Variants in RAB38 observed in about 807,000 individuals in gnomAD.
RAB38 encodes the protein RAB38, member RAS oncogene family, also known as ras-related protein Rab-38.
In RAB38, 15 loss-of-function variants were observed where a neutral mutation model predicts 18.4. The observed-to-expected ratio is 0.82, with a 90% confidence interval of 0.55 to 1.26. The LOEUF is 1.26. Ranked by LOEUF, RAB38 falls within the 50% of genes most tolerant of loss-of-function variation. RAB38 has a pLI of 0.00. For missense variants in RAB38, 294 were observed against 267.4 expected (o/e 1.10, Z -0.69); for synonymous variants, 101 against 104.4 (o/e 0.97, Z 0.20).
At chr11:88,136,577 A>C (rs1942837631) in intron 2 of RAB38, among the ~76,000 whole-genome samples, 1 of 152,220 alleles carries the variant, frequency 6.6e-6, no homozygotes, top group Non-Finnish European at 1.5e-5. Flanking sequence ...GCCTTTGTCT[A>C]CTGGCTTTTT....
At chr11:87,928,089 CAG>C in the RAB38 span, among the ~76,000 whole-genome samples, 3,346 of 151,456 alleles carry the variant, frequency 0.022, 126 homozygotes, top group African/African-American at 0.078. Context: ...AATAAGAAAA[CAG>C]AAAAGACAAG....
chr11:87,930,004 G>A, the RAB38 span, among the ~76,000 whole-genome samples: 1 of 152,104 alleles, frequency 6.6e-6, no homozygotes, highest in Non-Finnish European at 1.5e-5. Context: ...TTGCTATTGT[G>A]AATAGTGCCG....
chr11:88,167,411 A>T (rs550455721), intron 1 of RAB38: 1 of 152,270 alleles, frequency 6.6e-6, no homozygotes, highest in African/African-American at 2.4e-5. Context: ...GGCTCCAGTG[A>T]TGGGTCCCAG....
chr11:88,128,524 GA>G (rs1240470635), intron 2 of RAB38, among the ~76,000 whole-genome samples: 7 of 152,198 alleles, frequency 4.6e-5, no homozygotes, highest in Non-Finnish European at 4.4e-5. Flanking sequence ...AGGAGTAACA[GA>G]ATTGCTGAAA....
intron 2 of RAB38, among the ~76,000 whole-genome samples, chr11:88,143,264 T>C (rs1429193626): frequency 6.6e-6 from 1 of 152,254 alleles, no homozygotes; most frequent in Non-Finnish European, 1.5e-5. Flanking sequence ...AAAATGTATG[T>C]AAAGCCACTA....
At chr11:87,896,726 G>C in the RAB38 span, among the ~76,000 whole-genome samples, 6 of 151,728 alleles carry the variant, frequency 4.0e-5, no homozygotes, top group East Asian at 1.2e-3. Context: ...TGTTGTGCAA[G>C]TTACTAATCG....
At chr11:87,929,819 A>G in the RAB38 span, among the ~76,000 whole-genome samples, 23 of 143,440 alleles carry the variant, frequency 1.6e-4, no homozygotes, top group Non-Finnish European at 2.4e-4. Flanking sequence ...GCGGTGTTTG[A>G]TTTTTTGTCC....
At chr11:88,007,960 TGAGTA>T in the RAB38 span, among the ~76,000 whole-genome samples, 4 of 152,028 alleles carry the variant, frequency 2.6e-5, no homozygotes, top group African/African-American at 9.7e-5. Flanking sequence ...AAAAATACGT[TGAGTA>T]AAGAAGTCAG....
chr11:88,045,871 C>T, the RAB38 span, among the ~76,000 whole-genome samples: 6,196 of 152,228 alleles, frequency 0.041, 161 homozygotes, highest in African/African-American at 0.075. Context: ...AACTCCCCAA[C>T]TCTGGTGTCA....
the RAB38 span, among the ~76,000 whole-genome samples, chr11:87,817,856 G>A: frequency 6.6e-6 from 1 of 152,036 alleles, no homozygotes; most frequent in Admixed American, 6.6e-5. Context: ...ATGCAGTCGA[G>A]GCAAAAAGAT....
the RAB38 span, among the ~76,000 whole-genome samples, chr11:87,827,519 A>G: frequency 1.3e-5 from 2 of 152,132 alleles, no homozygotes; most frequent in Non-Finnish European, 2.9e-5. Flanking sequence ...AAATGCAATC[A>G]TGGCTTTTCT....
chr11:87,962,819 TA>T, the RAB38 span, among the ~76,000 whole-genome samples: 8 of 152,082 alleles, frequency 5.3e-5, no homozygotes, highest in Non-Finnish European at 1.2e-4. Context: ...GTTTTCACCA[TA>T]AAAAAATAAG....
At chr11:87,914,850 G>A in the RAB38 span, among the ~76,000 whole-genome samples, 2 of 152,170 alleles carry the variant, frequency 1.3e-5, no homozygotes, top group Non-Finnish European at 2.9e-5. Context: ...GTGGCCCCAA[G>A]TGTGACCCAG....
intron 2 of RAB38, among the ~76,000 whole-genome samples, chr11:88,131,870 C>G (rs1640621909): frequency 6.6e-6 from 1 of 152,166 alleles, no homozygotes; most frequent in Admixed American, 6.5e-5. Flanking sequence ...AATTCTCTTT[C>G]TAACCTTGAA....
the RAB38 span, among the ~76,000 whole-genome samples, chr11:87,889,387 T>A: frequency 6.6e-6 from 1 of 151,964 alleles, no homozygotes; most frequent in Non-Finnish European, 1.5e-5. Context: ...TTTCTTCTCA[T>A]CTTTCAAGAA....
At chr11:87,977,832 T>TAA in the RAB38 span, among the ~76,000 whole-genome samples, 3 of 108,734 alleles carry the variant, frequency 2.8e-5, no homozygotes, top group Non-Finnish European at 5.2e-5. Context: ...TGTTCCTATA[T>TAA]AATCATGTAT....
chr11:87,898,194 G>A, the RAB38 span, among the ~76,000 whole-genome samples: 9 of 151,726 alleles, frequency 5.9e-5, no homozygotes, highest in South Asian at 1.9e-3. Context: ...ACCAGGGAAA[G>A]TCATTATTAG....
chr11:88,107,340 C>T, the RAB38 span, among the ~76,000 whole-genome samples: 1 of 151,980 alleles, frequency 6.6e-6, no homozygotes, highest in African/African-American at 2.4e-5. Context: ...ATTGATTTAC[C>T]CTAGGGTCCC....
the RAB38 span, among the ~76,000 whole-genome samples, chr11:88,081,397 T>C: frequency 4.6e-5 from 7 of 152,114 alleles, no homozygotes; most frequent in African/African-American, 1.4e-4. Flanking sequence ...ACTCCAAACC[T>C]GACAACTTAA....
Sources: gnomAD v4.1 joint callset for allele counts (sites outside exome capture counted in the v4.1 genomes callset) on GRCh38, gnomAD v4.1.1 for gene constraint, MANE v1.5 for transcripts, NCBI Gene and HGNC (gene_info 2026-07-23, HGNC 2026-07-21) for gene names.